The following SPIDR variants were observed in gnomAD, a reference collection of about 807,000 sequenced individuals.
SPIDR encodes DNA repair-scaffolding protein.
A neutral mutation model predicts 104.6 loss-of-function variants in SPIDR; 93 were observed. That is an observed-to-expected ratio of 0.89 (90% CI 0.75 to 1.06). The LOEUF (loss-of-function observed/expected upper bound fraction) is 1.06. SPIDR is among the 50% of genes least tolerant of loss of function. The probability of loss-of-function intolerance (pLI) is 0.00; values close to 1 mark genes in which losing one functional copy is unlikely to be tolerated. For missense variants in SPIDR, 1,154 were observed against 1,111.2 expected, an observed-to-expected ratio of 1.04 and a Z score of -0.55; for synonymous variants, 431 against 416.9, an observed-to-expected ratio of 1.03 and a Z score of -0.41.
intron 8 of SPIDR, among the ~76,000 whole-genome samples, chr8:47,505,674 A>G (rs893240598): frequency 6.6e-6 from 1 of 152,012 alleles, no homozygotes; most frequent in Admixed American, 6.5e-5. Flanking sequence ...CTCAGTTGGA[A>G]ATGCAGAAAT....
At chr8:47,721,488 T>G (rs958605195) in intron 16 of SPIDR, among the ~76,000 whole-genome samples, 2 of 152,136 alleles carry the variant, frequency 1.3e-5, no homozygotes, top group African/African-American at 4.8e-5. Context: ...TTTTTTTTTT[T>G]TGAGACAGAG....
At chr8:47,268,974 C>T (rs1248351168) in intron 1 of SPIDR, among the ~76,000 whole-genome samples, 4 of 151,854 alleles carry the variant, frequency 2.6e-5, no homozygotes, top group Non-Finnish European at 5.9e-5. Context: ...CGAGACCAGC[C>T]TGGGCAACAT....
rs554809414 is a variant in SPIDR, at chr8:47,549,815, G to A, written c.1098-45996G>A. ...TTGGCTTTCGTTGCCATTGCTTTGG[G>A]TGTTTTAGTCATGGAGTCCTTGCCC... On this transcript the variant is annotated intron_variant, in intron 8 of 19. Transcript: ENST00000297423. 3.8e-3 allele frequency among the ~76,000 whole-genome samples: 576 copies of A among 152,288 alleles called. 3 individuals carry two copies. Among genetic ancestry groups the A allele is most frequent in the South Asian group, 0.023 (109 of 4,826 alleles).
chr8:47,317,347 G>T, intron 5 of SPIDR, among the ~76,000 whole-genome samples: 1 of 152,198 alleles, frequency 6.6e-6, no homozygotes, highest in Admixed American at 6.5e-5. Flanking sequence ...GCGGAGCCTC[G>T]CTCATTGCTA....
chr8:47,273,324 AT>A (rs1189587885), intron 1 of SPIDR, among the ~76,000 whole-genome samples: 1 of 152,176 alleles, frequency 6.6e-6, no homozygotes, highest in African/African-American at 2.4e-5. Flanking sequence ...ACCTTTACTG[AT>A]TTTTTATAAA....
chr8:47,653,472 CT>C (rs1484124839), intron 10 of SPIDR, among the ~76,000 whole-genome samples: 2 of 152,240 alleles, frequency 1.3e-5, no homozygotes, highest in East Asian at 3.9e-4. Flanking sequence ...AGTAAACTTT[CT>C]TAGTGTAGAT....
chr8:47,610,755 C>A (rs1487209674), intron 10 of SPIDR, among the ~76,000 whole-genome samples: 1 of 152,228 alleles, frequency 6.6e-6, no homozygotes, highest in African/African-American at 2.4e-5. Context: ...TATACATGAA[C>A]AGATGCCCTT....
At chr8:47,657,406 G>T (rs149017092) in intron 10 of SPIDR, among the ~76,000 whole-genome samples, 1 of 152,236 alleles carries the variant, frequency 6.6e-6, no homozygotes, top group East Asian at 1.9e-4. Flanking sequence ...TAGTCATGAG[G>T]GTTGGGAGAT....
At chr8:47,626,718 C>T (rs1207948436) in intron 10 of SPIDR, among the ~76,000 whole-genome samples, 2 of 152,136 alleles carry the variant, frequency 1.3e-5, no homozygotes, top group Non-Finnish European at 2.9e-5. Context: ...GAATGGCAAT[C>T]ATTAAAAAGT....
At chr8:47,302,607 G>T (rs993001757) in intron 5 of SPIDR, among the ~76,000 whole-genome samples, 138 of 152,220 alleles carry the variant, frequency 9.1e-4, no homozygotes, top group African/African-American at 3.2e-3. Context: ...TGATGGTGAC[G>T]TACAGATGGG....
At chr8:47,563,315 G>A (rs2057326448) in intron 8 of SPIDR, among the ~76,000 whole-genome samples, 1 of 151,948 alleles carries the variant, frequency 6.6e-6, no homozygotes, top group Non-Finnish European at 1.5e-5. Flanking sequence ...GATTACCAGC[G>A]TGCACCATGA....
chr8:47,348,976 C>G (rs1171429212), intron 5 of SPIDR, among the ~76,000 whole-genome samples: 1 of 152,186 alleles, frequency 6.6e-6, no homozygotes, highest in Non-Finnish European at 1.5e-5. Flanking sequence ...CATTCTCCGT[C>G]CAGCTTTATT....
rs767017653 is a variant in SPIDR, at chr8:47,735,445, C to T, written c.2743C>T (p.His915Tyr). ...GAGTGCAGGAGGGGCCTCTGCAGAACACTAGCGGTTGCCGCAGGATCTGTG... is the reference window on the plus strand; with the variant it reads ...GAGTGCAGGAGGGGCCTCTGCAGAATACTAGCGGTTGCCGCAGGATCTGTG... ...LLSAGGASAE[H>Y] The change falls in exon 20 of 20, where the codon CAC becomes TAC. Residue 915 changes from histidine (H) to tyrosine (Y), a missense_variant. Physicochemically the swap from His to Tyr is moderately conservative, Grantham distance 83 (BLOSUM62 2). Transcript: ENST00000297423. The T allele has an allele frequency of 1.2e-6, 2 of 1,614,194 alleles. No homozygotes were observed. Among genetic ancestry groups the T allele is most frequent in the Non-Finnish European group, 8.5e-7 (1 of 1,180,044 alleles).
intron 2 of SPIDR, among the ~76,000 whole-genome samples, chr8:47,280,883 G>A (rs1282293762): frequency 6.6e-6 from 1 of 152,102 alleles, no homozygotes; most frequent in Non-Finnish European, 1.5e-5. Context: ...CTACTTCTTT[G>A]TTTGTAAATG....
At chr8:47,264,807 G>C (rs973868779) in intron 1 of SPIDR, among the ~76,000 whole-genome samples, 6 of 151,932 alleles carry the variant, frequency 3.9e-5, no homozygotes, top group African/African-American at 1.5e-4. Context: ...TATATTGCTG[G>C]GTTGATGTGA....
At position 47,440,309 on chromosome 8, in the gene SPIDR, T is replaced by C. The variant is rs1554695566; in HGVS notation, c.878-14T>C. The C allele has an allele frequency of 1.9e-6, 3 of 1,610,426 alleles. No individual in the cohort carries two copies. Among genetic ancestry groups the C allele is most frequent in the Non-Finnish European group, 2.5e-6 (3 of 1,176,824 alleles). The stretch of plus-strand genomic sequence containing the variant: ...TGATTTCATTTTTGCTTTGTTCTTT[T>C]CTTCAACTTCTAGGTAGAAAATCTG... On this transcript the variant is annotated splice_polypyrimidine_tract_variant and intron_variant, in intron 7 of 19. Coordinates refer to ENST00000297423, the MANE Select transcript of SPIDR (RefSeq NM_001080394.4).
chr8:47,683,174 A>G (rs1389610184), intron 11 of SPIDR, among the ~76,000 whole-genome samples: 1 of 152,266 alleles, frequency 6.6e-6, no homozygotes, highest in Non-Finnish European at 1.5e-5. Flanking sequence ...CTTTTAGACT[A>G]TATTTACCAC....
At chr8:47,347,480 G>C (rs550811727) in intron 5 of SPIDR, among the ~76,000 whole-genome samples, 1 of 152,330 alleles carries the variant, frequency 6.6e-6, no homozygotes, top group African/African-American at 2.4e-5. Context: ...GTGCAGAGCT[G>C]AGTTCAATTC....
At chr8:47,440,644 A>G (rs1216242312) in intron 8 of SPIDR, 102 bp downstream of exon 8, 12 of 1,178,768 alleles carry the variant, frequency 1.0e-5, no homozygotes, top group Admixed American at 5.2e-5. Flanking sequence ...TCATAGAGCA[A>G]TGCGAGAGGA....
Sources: allele counts gnomAD v4.1 joint callset (sites outside exome capture counted in the v4.1 genomes callset), GRCh38; gene constraint gnomAD v4.1.1; transcripts MANE v1.5; gene names NCBI Gene and HGNC (gene_info 2026-07-23, HGNC 2026-07-21).